The following MOV10L1 variants were observed in gnomAD, a reference collection of about 807,000 sequenced individuals.
MOV10L1 encodes RNA helicase Mov10l1.
A neutral mutation model predicts 143.8 loss-of-function variants in MOV10L1; 110 were observed. That is an observed-to-expected ratio of 0.76 (90% confidence interval 0.66 to 0.90). The LOEUF (loss-of-function observed/expected upper bound fraction) is 0.90. Ranked by LOEUF, MOV10L1 falls within the 40% of genes least tolerant of loss-of-function variation. The pLI, the probability that MOV10L1 is intolerant of heterozygous loss-of-function variation, is 0.00. For synonymous variants in MOV10L1, 593 were observed against 581.1 expected (o/e 1.02, Z -0.29); for missense variants, 1,406 against 1,526.8 (o/e 0.92, Z 1.32).
intron 8 of MOV10L1, among the ~76,000 whole-genome samples, chr22:50,115,876 G>A (rs1397501359): frequency 6.6e-6 from 1 of 152,224 alleles, no homozygotes; most frequent in Admixed American, 6.5e-5. Flanking sequence ...ATTTGGCCAA[G>A]GCACGGACAG....
intron 19 of MOV10L1, chr22:50,147,031 A>G (rs1322941164): frequency 6.5e-7 from 1 of 1,548,812 alleles, no homozygotes; most frequent in Non-Finnish European, 8.7e-7. Flanking sequence ...TTTTTTGTTA[A>G]TGTGTGTTGA....
chr22:50,132,275 T>C (rs2062699338), intron 13 of MOV10L1, among the ~76,000 whole-genome samples: 1 of 152,210 alleles, frequency 6.6e-6, no homozygotes, highest in Non-Finnish European at 1.5e-5. Flanking sequence ...CTTTTCAAGG[T>C]TGTCTGGCTG....
chr22:50,106,699 CTTTTTTTTTTTT>C (rs71198216), intron 3 of MOV10L1, among the ~76,000 whole-genome samples: 2 of 120,706 alleles, frequency 1.7e-5, no homozygotes, highest in African/African-American at 6.2e-5. Flanking sequence ...AGGACATGGT[CTTTTTTTTTTTT>C]TTTTTTTTGA....
intron 3 of MOV10L1, among the ~76,000 whole-genome samples, chr22:50,101,271 AG>A (rs1407830217): frequency 6.6e-6 from 1 of 152,208 alleles, no homozygotes; most frequent in Non-Finnish European, 1.5e-5. Flanking sequence ...GCTGGAGTAC[AG>A]TAGCACAATC....
intron 2 of MOV10L1, among the ~76,000 whole-genome samples, 171 bp from the exon 3 acceptor site, chr22:50,099,272 A>G (rs2062675127): frequency 1.3e-5 from 2 of 152,240 alleles, no homozygotes; most frequent in Non-Finnish European, 2.9e-5. Flanking sequence ...AGGACACAGC[A>G]GGAAGACACC....
chr22:50,158,310 G>T lies in MOV10L1; in HGVS notation c.3216+104G>T, dbSNP rs2063478320. 6.9e-7 allele frequency: 1 copy of T among 1,446,828 alleles called. No homozygotes were observed. 89.6% of individuals were successfully genotyped at this position (1,446,828 alleles called of 1,614,324 possible). ...AGGAACAAGCTCCTTGTGAGCAGCA[G>T]CAGGTTTTTAAAGGGGCAGGACCGC... On this transcript the variant is annotated intron_variant, in intron 23 of 26. Coordinates refer to ENST00000262794, the MANE Select transcript of MOV10L1 (RefSeq NM_018995.3). The surrounding 1 kb of genome is among the most constrained non-coding windows in gnomAD (Gnocchi z 5.0).
intron 6 of MOV10L1, among the ~76,000 whole-genome samples, 166 bp from the exon 7 acceptor site, chr22:50,114,215 C>A (rs2062105575): frequency 6.6e-6 from 1 of 152,130 alleles, no homozygotes; most frequent in South Asian, 2.1e-4. Context: ...CCACGCCCGG[C>A]ATGAAGATCT....
intron 11 of MOV10L1, 115 bp downstream of exon 11, chr22:50,125,684 G>T: frequency 8.8e-7 from 1 of 1,134,660 alleles, no homozygotes; most frequent in South Asian, 1.8e-5. Context: ...TCTTTCTTTT[G>T]GGTTAGAATT....
At chr22:50,148,296 G>A (rs374862330) in intron 19 of MOV10L1, among the ~76,000 whole-genome samples, 6 of 152,240 alleles carry the variant, frequency 3.9e-5, no homozygotes, top group African/African-American at 1.4e-4. Context: ...TGCTGGGGTG[G>A]GCGAGCCAGG....
Position 50,098,432 on chromosome 22 carries a change from G to A in MOV10L1, c.283-1011G>A, listed in dbSNP as rs78755004. On this transcript the variant is annotated intron_variant, in intron 2 of 26. Transcript: ENST00000262794. ...ATTTTACGTGTCTTCCATCTCCTTA[G>A]TTAGGTTACTAAGTGTTCTGAGGAA... Among the ~76,000 whole-genome samples the A allele has an allele frequency of 2.0e-5, 3 of 152,198 alleles. No homozygotes were observed. In the South Asian group the frequency reaches 6.2e-4, roughly 32 times the overall value.
chr22:50,134,918 TGCAGGGCTAAG>T (rs1158889283), intron 15 of MOV10L1, among the ~76,000 whole-genome samples: 2 of 152,254 alleles, frequency 1.3e-5, no homozygotes, highest in Middle Eastern at 3.2e-3. Flanking sequence ...AGGGCTAAGA[TGCAGGGCTAAG>T]ATGGCTACAA....
intron 24 of MOV10L1, 61 bp from the exon 25 acceptor site, chr22:50,160,627 T>C: frequency 1.3e-6 from 2 of 1,551,026 alleles, no homozygotes; most frequent in Non-Finnish European, 1.7e-6. Flanking sequence ...TATCAAGAGT[T>C]TCTCTTCATG....
chr22:50,097,116 T>TA (rs1189797425), intron 2 of MOV10L1, among the ~76,000 whole-genome samples: 5 of 152,222 alleles, frequency 3.3e-5, no homozygotes, highest in Admixed American at 1.3e-4. Flanking sequence ...TTTGATTCAT[T>TA]AAAAAAAATT....
In MOV10L1 at chr22:50,158,120, C is replaced by G; in HGVS notation, c.3130C>G (p.Leu1044Val). 1 of 1,614,204 alleles carries G rather than the reference C, an allele frequency of 6.2e-7. No individual in the cohort carries two copies. The highest frequency in any genetic ancestry group is 8.5e-7 in the Non-Finnish European group (1 of 1,180,036). ...CAACCCGGCCGAGGCCGTCCAGGTC[C>G]TGCGCTACTGCTGCCTCCTGGCCCA... Reference protein sequence around the residue: ...WFNPAEAVQVLRYCCLLAHSI... With the variant: ...WFNPAEAVQVVRYCCLLAHSI... The change falls in exon 23 of 27, where the codon CTG (leucine) becomes GTG (valine). Residue 1044 changes from leucine to valine, a missense_variant. Coordinates refer to ENST00000262794, the MANE Select transcript of MOV10L1 (RefSeq NM_018995.3). The surrounding 1 kb of genome is among the most constrained non-coding windows in gnomAD (Gnocchi z 5.0).
intron 3 of MOV10L1, among the ~76,000 whole-genome samples, chr22:50,107,545 C>A (rs1228458674): frequency 1.3e-5 from 2 of 152,010 alleles, no homozygotes; most frequent in African/African-American, 4.8e-5. Context: ...AAGATTTTAA[C>A]TACCTGTACC....
At chr22:50,121,798 C>T (rs2062354600) in intron 10 of MOV10L1, among the ~76,000 whole-genome samples, 2 of 152,100 alleles carry the variant, frequency 1.3e-5, no homozygotes, top group Admixed American at 1.3e-4. Flanking sequence ...CACAGGCCAC[C>T]GACTTGATGT....
intron 10 of MOV10L1, among the ~76,000 whole-genome samples, 167 bp downstream of exon 10, chr22:50,120,783 A>AT (rs1190436041): frequency 3.3e-5 from 5 of 152,204 alleles, no homozygotes; most frequent in African/African-American, 4.8e-5. Context: ...ATGAGGCACC[A>AT]TAGCACTCAC....
In MOV10L1 at chr22:50,125,618, A is replaced by G. The variant is rs749122138; in HGVS notation, c.1747+49A>G. The G allele has an allele frequency of 6.4e-6, 10 of 1,556,464 alleles. No individual in the cohort carries two copies. In the East Asian group the frequency reaches 2.0e-4, roughly 32 times the overall value. On this transcript the variant is annotated intron_variant, in intron 11 of 26. Transcript: ENST00000262794. Reference sequence around the variant, plus strand: ...CCCTGGGTGGACTAGCAGAGAAACCATACTTGAGAGAAGATACTCTTTAAC... The same window carrying G: ...CCCTGGGTGGACTAGCAGAGAAACCGTACTTGAGAGAAGATACTCTTTAAC...
In MOV10L1 at chr22:50,137,733, T is replaced by TATTTTATATATATACATATATAAATATAC. The variant is rs1569024963; in HGVS notation, c.2070+3105_2070+3106insTTTATATATATACATATATAAATATACAT. Among the ~76,000 whole-genome samples the TATTTTATATATATACATATATAAATATAC allele has an allele frequency of 8.5e-4, 97 of 114,716 alleles. 2 individuals carry two copies. The highest frequency in any genetic ancestry group is 1.6e-3 in the Non-Finnish European group (80 of 50,208). 75.3% of individuals were successfully genotyped at this position (114,716 alleles called of 152,430 possible). ...AAATACATATGTATATACACATATA[T>TATTTTATATATATACATATATAAATATAC]ATATTTTATATATATACATATATAA... On this transcript the variant is annotated intron_variant, in intron 15 of 26. Coordinates refer to ENST00000262794, the MANE Select transcript of MOV10L1 (RefSeq NM_018995.3).
Sources: gnomAD v4.1 joint callset for allele counts (sites outside exome capture counted in the v4.1 genomes callset) on GRCh38, gnomAD v4.1.1 for gene constraint, Gnocchi (gnomAD v3.1) non-coding constraint, MANE v1.5 for transcripts, NCBI Gene and HGNC (gene_info 2026-07-23, HGNC 2026-07-21) for gene names.